Variants in COL6A1 observed in about 807,000 individuals in gnomAD.
COL6A1 encodes the protein collagen type VI alpha 1 chain.
Under a neutral mutation model 145.6 loss-of-function variants are expected in COL6A1, and 80 were observed. The ratio of observed to expected loss-of-function variants is 0.55; its 90% CI spans 0.46 to 0.66. COL6A1 has a LOEUF of 0.66. Among genes scored for constraint, COL6A1 ranks in the 30% least tolerant of loss-of-function variants. The probability of loss-of-function intolerance (pLI) is 0.00; values close to 1 mark genes in which losing one functional copy is unlikely to be tolerated. For missense variants in COL6A1, 1,364 were observed against 1,473.8 expected (o/e 0.93, Z 1.22); for synonymous variants, 638 against 622.8 (o/e 1.02, Z -0.36).
At chr21:45,986,451 C>T in intron 3 of COL6A1, 75 bp from the exon 4 acceptor site, 1 of 1,473,376 alleles carries the variant, frequency 6.8e-7, no homozygotes, top group Non-Finnish European at 9.3e-7. Context: ...GGACCAGCAC[C>T]TCCCGGACAG....
intron 23 of COL6A1, 50 bp downstream of exon 23, chr21:45,998,221 G>A: frequency 6.2e-7 from 1 of 1,601,368 alleles, no homozygotes; most frequent in Non-Finnish European, 8.5e-7. Flanking sequence ...GCTGCCTGCG[G>A]CGCCCTCTTT....
chr21:45,990,037 TCCCCCGGGCGGTTACCCTCTGCGGAGCC>T (rs1341538494), intron 11 of COL6A1, among the ~76,000 whole-genome samples, 193 bp from the exon 12 acceptor site: 27 of 139,904 alleles, frequency 1.9e-4, no homozygotes, highest in African/African-American at 3.6e-4. Context: ...GAGCCGGGGG[TCCCCCGGGCGGTTACCCTCTGCGGAGCC>T]GGGGGTCCCC....
Position 45,999,739 on chromosome 21 carries a change from C to T in COL6A1, c.1776+47C>T. 1.9e-6 allele frequency: 3 copies of T among 1,601,340 alleles called. No individual in the cohort carries two copies. The East Asian group carries it at 6.7e-5, about 36-fold the overall frequency. ...TTGCTGGGGGCGACCACTGTAGCTT[C>T]CATCCCTTGGGGTGTGGGTCCTGTC... On this transcript the variant is annotated intron_variant, in intron 27 of 34. Transcript: ENST00000361866.
At chr21:46,000,636 G>T (rs949235872) in intron 28 of COL6A1, 123 bp from the exon 29 acceptor site, 311 of 1,371,478 alleles carry the variant, frequency 2.3e-4, no homozygotes, top group Admixed American at 9.8e-4. Context: ...GCCGGGGAAG[G>T]GGGGAGGCCG....
At chr21:46,001,880 G>A (rs2077847616) in intron 30 of COL6A1, 81 bp from the exon 31 acceptor site, 33 of 1,280,622 alleles carry the variant, frequency 2.6e-5, no homozygotes, top group Non-Finnish European at 3.2e-5. Flanking sequence ...CTGGGCACCC[G>A]CAGCCAATAG....
chr21:46,001,171 G>C, intron 29 of COL6A1, 82 bp from the exon 30 acceptor site: 1 of 1,559,988 alleles, frequency 6.4e-7, no homozygotes, highest in Non-Finnish European at 8.7e-7. Context: ...TGGCAGCCAA[G>C]GAGGGGCCAG....
At chr21:46,002,113 G>A (rs768914176) in intron 31 of COL6A1, 43 bp downstream of exon 31, 42 of 1,581,152 alleles carry the variant, frequency 2.7e-5, no homozygotes, top group Admixed American at 5.4e-5. Flanking sequence ...CCCTCGCCCC[G>A]ACCGCTGTTC....
At chr21:45,988,622 G>A (rs564836837) in intron 8 of COL6A1, among the ~76,000 whole-genome samples, 11 of 152,290 alleles carry the variant, frequency 7.2e-5, no homozygotes, top group African/African-American at 2.2e-4. Flanking sequence ...GAGGTAGGAG[G>A]GTGAGAATGT....
chr21:46,002,350 C>T lies in COL6A1; in HGVS notation c.2199C>T (p.Asp733=). 1 of 1,592,590 alleles carries T rather than the reference C, an allele frequency of 6.3e-7. No individual in the cohort carries two copies. The highest frequency in any genetic ancestry group is 8.5e-7 in the Non-Finnish European group (1 of 1,170,260). The change falls in exon 32 of 35, where the codon GAC becomes GAT. Residue 733 remains aspartate (D), a synonymous_variant. Transcript: ENST00000361866. ...IALVITDGRS[D]TQRDTTPLNV... is the part of the protein sequence containing the mutation. ...TGGTCATCACTGACGGGCGCTCAGA[C>T]ACTCAGAGGGACACCACACCGCTCA...
At position 46,002,532 on chromosome 21, in the gene COL6A1, C is replaced by A. The variant is rs749698686; in HGVS notation, c.2256C>A (p.Val752=). The change falls in exon 33 of 35, where the codon GTC becomes GTA. Residue 752 remains valine (V), a synonymous_variant. Coordinates refer to ENST00000361866, the MANE Select transcript of COL6A1 (RefSeq NM_001848.3). ...GATACTGTCTGTCCCCACAGGTGGT[C>A]TCCGTGGGCATCAAAGACGTGTTTG... ...NVLCSPGIQV[V]SVGIKDVFDF... is the part of the protein sequence containing the mutation. 2 of 1,613,690 alleles carry A rather than the reference C, an allele frequency of 1.2e-6. No homozygotes were observed. Among genetic ancestry groups the A allele is most frequent in the African/African-American group, 2.7e-5 (2 of 75,056 alleles).
At chr21:45,984,566 AGCCTCCCTGTTCTCTTGGAGGCTGCACG>A in intron 3 of COL6A1, 97 bp downstream of exon 3, 1 of 1,185,718 alleles carries the variant, frequency 8.4e-7, no homozygotes. Flanking sequence ...CTTCAGCTGC[AGCCTCCCTGTTCTCTTGGAGGCTGCACG>A]GCCTCCCTGA....
At chr21:45,989,550 G>T in intron 9 of COL6A1, 58 bp from the exon 10 acceptor site, 1 of 1,552,764 alleles carries the variant, frequency 6.4e-7, no homozygotes, top group Non-Finnish European at 8.9e-7. Context: ...GGCTGGGTGG[G>T]ACTGGCCCCT....
Position 45,994,727 on chromosome 21 carries a change from C to A in COL6A1, c.1398+498C>A, listed in dbSNP as rs1483675275. Among the ~76,000 whole-genome samples, 2 of 152,216 alleles carry A rather than the reference C, an allele frequency of 1.3e-5. No individual in the cohort carries two copies. Among genetic ancestry groups the A allele is most frequent in the Non-Finnish European group, 2.9e-5 (2 of 68,042 alleles). ...TCCCTTCTCCGAGCCTCTGGAATCGCTGTGCACGCCGCACGGCTTTCTGTC... is the reference window on the plus strand; with the variant it reads ...TCCCTTCTCCGAGCCTCTGGAATCGATGTGCACGCCGCACGGCTTTCTGTC... On this transcript the variant is annotated intron_variant, in intron 20 of 34. Coordinates refer to ENST00000361866, the MANE Select transcript of COL6A1 (RefSeq NM_001848.3). This position sits in a 1 kb window ranked among gnomAD's most constrained non-coding sequence, Gnocchi z 6.8.
At chr21:45,988,710 T>G (rs887879798) in intron 8 of COL6A1, among the ~76,000 whole-genome samples, 6 of 152,154 alleles carry the variant, frequency 3.9e-5, no homozygotes, top group African/African-American at 1.4e-4. Context: ...AAACTTGCCA[T>G]GAGGCTGCTC....
intron 33 of COL6A1, 95 bp downstream of exon 33, chr21:46,002,805 G>A (rs551587707): frequency 1.2e-5 from 17 of 1,398,368 alleles, no homozygotes; most frequent in East Asian, 9.8e-5. Flanking sequence ...ACGCGGGGCC[G>A]CCCGGGCAGT....
intron 22 of COL6A1, 146 bp downstream of exon 22, chr21:45,997,908 C>T: frequency 8.9e-7 from 1 of 1,121,074 alleles, no homozygotes; most frequent in Admixed American, 2.4e-5. Flanking sequence ...CCACAGTCGG[C>T]ACCTGAGCCA....
intron 19 of COL6A1, among the ~76,000 whole-genome samples, chr21:45,993,866 A>G (rs1181029587): frequency 1.3e-5 from 2 of 152,230 alleles, no homozygotes; most frequent in African/African-American, 4.8e-5. Flanking sequence ...GTCCATGGCT[A>G]CAAACACTTG....
At position 46,003,569 on chromosome 21, in the gene COL6A1, G is replaced by C. The variant is rs372725624; in HGVS notation, c.2643G>C (p.Thr881=). The part of the protein sequence containing the change: ...VRVAVVQYSG[T]GQQRPERASL... ...TGGCGGTGGTGCAGTACAGCGGCAC[G>C]GGCCAGCAGCGCCCAGAGCGGGCGT... Residue 881 remains threonine, a synonymous_variant, in exon 35 of 35, where the codon ACG becomes ACC. Coordinates refer to ENST00000361866, the MANE Select transcript of COL6A1 (RefSeq NM_001848.3). 1.2e-6 allele frequency: 2 copies of C among 1,612,638 alleles called. No individual in the cohort carries two copies. The highest frequency in any genetic ancestry group is 1.7e-6 in the Non-Finnish European group (2 of 1,179,782).
Position 45,997,777 on chromosome 21 carries a change from G to A in COL6A1, c.1524+15G>A, listed in dbSNP as rs116000285. The A allele has an allele frequency of 4.2e-3, 6,597 of 1,577,874 alleles. 93 individuals carry two copies. The African/African-American group carries it at 0.045, about 11-fold the overall frequency. ...TGGGTGAAAGGGTGAGTGTCCAACA[G>A]CTCGGGCCCTAGGGCGGAGGCCTGG... is the stretch of plus-strand genomic sequence containing the variant. On this transcript the variant is annotated intron_variant, in intron 22 of 34. Transcript: ENST00000361866.
Sources: gnomAD v4.1 joint callset for allele counts (sites outside exome capture counted in the v4.1 genomes callset) on GRCh38, gnomAD v4.1.1 for gene constraint, Gnocchi (gnomAD v3.1) non-coding constraint, MANE v1.5 for transcripts, NCBI Gene and HGNC (gene_info 2026-07-23, HGNC 2026-07-21) for gene names.